Variants in FHIT observed in about 807,000 individuals in gnomAD.
FHIT encodes the protein bis(5'-adenosyl)-triphosphatase.
In FHIT, 19 loss-of-function variants were observed where a neutral mutation model predicts 17.9. The observed-to-expected ratio is 1.06, with a 90% CI of 0.74 to 1.56. The LOEUF is 1.56. Among genes scored for constraint, FHIT ranks in the 40% most tolerant of loss-of-function variants. FHIT has a pLI of 0.00. For missense variants in FHIT, 248 were observed against 189.2 expected (o/e 1.31, Z -1.82); for synonymous variants, 81 against 69.7 (o/e 1.16, Z -0.81).
At chr3:60,639,110 T>C (rs1219704594) in intron 4 of FHIT, among the ~76,000 whole-genome samples, 1 of 146,872 alleles carries the variant, frequency 6.8e-6, no homozygotes, top group Non-Finnish European at 1.5e-5. Context: ...TGAGGTGAGC[T>C]CTATAGTTAA....
chr3:60,435,664 A>G (rs1208088936), intron 5 of FHIT, among the ~76,000 whole-genome samples: 1 of 152,088 alleles, frequency 6.6e-6, no homozygotes, highest in African/African-American at 2.4e-5. Context: ...AATAACTTTT[A>G]TATTGTAAGT....
chr3:60,503,989 G>A (rs141479572), intron 5 of FHIT, among the ~76,000 whole-genome samples: 44 of 152,136 alleles, frequency 2.9e-4, no homozygotes, highest in African/African-American at 9.4e-4. Context: ...CTTATTTTAC[G>A]TATCACCAGA....
intron 8 of FHIT, among the ~76,000 whole-genome samples, chr3:59,905,270 G>C (rs1360167587): frequency 1.3e-5 from 2 of 152,176 alleles, no homozygotes; most frequent in African/African-American, 4.8e-5. Context: ...AGAATTGATA[G>C]AACTAGAGAA....
At chr3:60,562,187 C>A (rs1214307148) in intron 4 of FHIT, among the ~76,000 whole-genome samples, 1 of 152,144 alleles carries the variant, frequency 6.6e-6, no homozygotes, top group Non-Finnish European at 1.5e-5. Context: ...TATAATTAAT[C>A]TATATTACTT....
chr3:60,793,866 T>C (rs969759544), intron 4 of FHIT, among the ~76,000 whole-genome samples: 3 of 152,152 alleles, frequency 2.0e-5, no homozygotes, highest in East Asian at 1.9e-4. Flanking sequence ...GCAGCTCCAA[T>C]TGGTCCTGCA....
At position 60,589,940 on chromosome 3, in the gene FHIT, C is replaced by A. The variant is rs144752019; in HGVS notation, c.-17-52961G>T. ...GGTAAGTATGAATCTGTGGCCTTGA[C>A]CCTCTTCAACTCTGGGTAAATTTAC... On this transcript the variant is annotated intron_variant, in intron 4 of 9. Transcript: ENST00000492590. Among the ~76,000 whole-genome samples, 426 of 152,062 alleles carry A rather than the reference C, an allele frequency of 2.8e-3. 2 individuals are homozygous for A. Among genetic ancestry groups the A allele is most frequent in the African/African-American group, 9.5e-3 (393 of 41,514 alleles).
chr3:60,154,032 T>G (rs1444961127), intron 5 of FHIT, among the ~76,000 whole-genome samples: 2 of 152,212 alleles, frequency 1.3e-5, no homozygotes, highest in African/African-American at 4.8e-5. Flanking sequence ...GGGGCACTAA[T>G]GGAGAATAAC....
chr3:60,206,168 AATAATT>A (rs747124356), intron 5 of FHIT, among the ~76,000 whole-genome samples: 4 of 135,174 alleles, frequency 3.0e-5, no homozygotes, highest in African/African-American at 9.0e-5. Flanking sequence ...TAATAATAAT[AATAATT>A]ATAACACTTA....
At chr3:60,178,341 C>A (rs574212332) in intron 5 of FHIT, among the ~76,000 whole-genome samples, 5 of 152,244 alleles carry the variant, frequency 3.3e-5, no homozygotes, top group African/African-American at 7.2e-5. Flanking sequence ...AATCCCAGCA[C>A]TTTGGGAGGC....
At chr3:60,031,593 GC>G (rs1238366009) in intron 5 of FHIT, among the ~76,000 whole-genome samples, 1 of 152,120 alleles carries the variant, frequency 6.6e-6, no homozygotes, top group Non-Finnish European at 1.5e-5. Context: ...TCATGGAACT[GC>G]ATTTCAGAGT....
intron 5 of FHIT, among the ~76,000 whole-genome samples, chr3:60,435,105 G>A (rs2030093297): frequency 6.6e-6 from 1 of 152,160 alleles, no homozygotes; most frequent in Admixed American, 6.6e-5. Context: ...TGCTGGGCCA[G>A]CAGCAGGCCA....
intron 9 of FHIT, 191 bp downstream of exon 9, chr3:59,752,030 T>C (rs879307772): frequency 6.6e-5 from 30 of 454,348 alleles, no homozygotes; most frequent in East Asian, 6.3e-4. Flanking sequence ...GGCAGGAGAG[T>C]TGGAAGAGAC....
chr3:60,896,817 G>T (rs781956710), intron 3 of FHIT, among the ~76,000 whole-genome samples: 2 of 151,746 alleles, frequency 1.3e-5, no homozygotes, highest in South Asian at 4.2e-4. Flanking sequence ...ATGTTATTTC[G>T]GAATATACAA....
At chr3:60,394,423 T>G (rs946543440) in intron 5 of FHIT, among the ~76,000 whole-genome samples, 1 of 152,108 alleles carries the variant, frequency 6.6e-6, no homozygotes, top group African/African-American at 2.4e-5. Flanking sequence ...GTTATGTTAA[T>G]CTGGGAGCAA....
chr3:60,751,250 T>C (rs1009283771), intron 4 of FHIT, among the ~76,000 whole-genome samples: 16 of 152,394 alleles, frequency 1.0e-4, no homozygotes, highest in Non-Finnish European at 1.9e-4. Flanking sequence ...GGATGATTAC[T>C]CTTTTCTAAT....
At position 61,218,286 on chromosome 3, in the gene FHIT, A is replaced by G. The variant is rs533334441; in HGVS notation, c.-212-17621T>C. 6.6e-5 allele frequency among the ~76,000 whole-genome samples: 10 copies of G among 152,316 alleles called. No homozygotes were observed. In the South Asian group the frequency reaches 2.1e-3, roughly 32 times the overall value. Reference sequence around the variant, plus strand: ...GAGAGAGAACAGTTGCCAGAGAAGTAAAACTAAATCCTCAAGATTCACAGA... The same window carrying G: ...GAGAGAGAACAGTTGCCAGAGAAGTGAAACTAAATCCTCAAGATTCACAGA... On this transcript the variant is annotated intron_variant, in intron 1 of 9. Transcript: ENST00000492590.
rs1700913045 is a variant in FHIT at position 60,384,133 on chromosome 3, T to G, written c.103+152727A>C. Among the ~76,000 whole-genome samples the G allele has an allele frequency of 2.6e-5, 4 of 152,016 alleles. No homozygotes were observed. The South Asian group carries it at 8.3e-4, about 32-fold the overall frequency. On this transcript the variant is annotated intron_variant, in intron 5 of 9. Transcript: ENST00000492590. ...AATACAAAAAATTAGACGAGTGTGG[T>G]GCTGCGTGCCTATAATCCCAGCTAC...
At chr3:60,553,900 A>G (rs935832446) in intron 4 of FHIT, among the ~76,000 whole-genome samples, 13 of 152,084 alleles carry the variant, frequency 8.5e-5, no homozygotes, top group South Asian at 4.2e-4. Context: ...AGCCTGGCCA[A>G]CACTGCAAAA....
chr3:61,044,906 A>G (rs113312151), intron 2 of FHIT, among the ~76,000 whole-genome samples: 15,347 of 152,264 alleles, frequency 0.1, 838 homozygotes, highest in Non-Finnish European at 0.12. Context: ...AAGGAGAAAT[A>G]AAATCCTTTA....
Sources: allele counts gnomAD v4.1 joint callset (sites outside exome capture counted in the v4.1 genomes callset), GRCh38; gene constraint gnomAD v4.1.1; transcripts MANE v1.5; gene names NCBI Gene and HGNC (gene_info 2026-07-23, HGNC 2026-07-21).